Variants in ENTREP2 observed in about 807,000 individuals in gnomAD.
ENTREP2 encodes endosomal transmembrane epsin interactor 2, also known as protein ENTREP2.
chr15:29,204,550 C>T, the ENTREP2 span, among the ~76,000 whole-genome samples: 1 of 152,258 alleles, frequency 6.6e-6, no homozygotes, highest in African/African-American at 2.4e-5. Context: ...GCACGGGTGA[C>T]AGAGTCAGAC....
the ENTREP2 span, among the ~76,000 whole-genome samples, chr15:29,188,731 A>G: frequency 1.2e-4 from 18 of 152,254 alleles, no homozygotes; most frequent in African/African-American, 4.3e-4. Context: ...GGAATTCTAG[A>G]TGGGTGCTGG....
the ENTREP2 span, among the ~76,000 whole-genome samples, chr15:29,592,631 G>A: frequency 6.6e-6 from 1 of 152,138 alleles, no homozygotes; most frequent in Non-Finnish European, 1.5e-5. Flanking sequence ...TGCTTCTTGG[G>A]GGTGCTATAG....
the ENTREP2 span, chr15:29,233,602 T>A: frequency 1.5e-6 from 1 of 669,188 alleles, no homozygotes. Flanking sequence ...AAGACCATAA[T>A]CAAAATGAAA....
chr15:29,613,628 G>A, the ENTREP2 span: 15 of 182,998 alleles, frequency 8.2e-5, no homozygotes, highest in Non-Finnish European at 1.4e-4. Context: ...CTGCGGCACA[G>A]ACATTGAGGC....
the ENTREP2 span, among the ~76,000 whole-genome samples, chr15:29,563,542 C>G: frequency 6.6e-6 from 1 of 152,108 alleles, no homozygotes; most frequent in African/African-American, 2.4e-5. Flanking sequence ...TTTACAATTT[C>G]TGATTCAGGA....
At chr15:29,402,265 T>TATATATATATATATATATACAC in the ENTREP2 span, among the ~76,000 whole-genome samples, 787 of 137,732 alleles carry the variant, frequency 5.7e-3, 5 homozygotes, top group Middle Eastern at 0.017. Context: ...TATATATATA[T>TATATATATATATATATATACAC]ACACACACAT....
the ENTREP2 span, among the ~76,000 whole-genome samples, chr15:29,224,127 T>C: frequency 3.9e-5 from 6 of 152,112 alleles, no homozygotes; most frequent in South Asian, 2.1e-4. Flanking sequence ...CACAGTTTCT[T>C]CCTTCTGGTG....
the ENTREP2 span, among the ~76,000 whole-genome samples, chr15:29,588,764 G>T: frequency 1.3e-5 from 2 of 152,126 alleles, no homozygotes; most frequent in Non-Finnish European, 2.9e-5. Flanking sequence ...TTGGGAGGCT[G>T]AGGCAGGCAG....
At chr15:29,244,148 T>A in the ENTREP2 span, among the ~76,000 whole-genome samples, 1 of 152,228 alleles carries the variant, frequency 6.6e-6, no homozygotes, top group African/African-American at 2.4e-5. Context: ...AGGAAATCCA[T>A]TAATGCAAAT....
the ENTREP2 span, among the ~76,000 whole-genome samples, chr15:29,298,977 G>A: frequency 2.6e-5 from 4 of 151,938 alleles, no homozygotes; most frequent in African/African-American, 7.3e-5. Flanking sequence ...TTTAACAAAC[G>A]TGACTTGAAA....
At chr15:29,391,281 C>T in the ENTREP2 span, among the ~76,000 whole-genome samples, 1 of 151,942 alleles carries the variant, frequency 6.6e-6, no homozygotes, top group East Asian at 1.9e-4. Flanking sequence ...AGCCTTTCAT[C>T]CCAGGCTGTG....
chr15:29,490,557 T>C, the ENTREP2 span, among the ~76,000 whole-genome samples: 1 of 152,202 alleles, frequency 6.6e-6, no homozygotes, highest in Non-Finnish European at 1.5e-5. Context: ...TTGGTCTGTT[T>C]TGACAGGGTG....
the ENTREP2 span, among the ~76,000 whole-genome samples, chr15:29,412,456 G>A: frequency 6.6e-6 from 1 of 151,918 alleles, no homozygotes; most frequent in Non-Finnish European, 1.5e-5. Context: ...ATTTCTAATT[G>A]ATTGTAGATG....
chr15:29,354,173 A>C, the ENTREP2 span, among the ~76,000 whole-genome samples: 1 of 152,184 alleles, frequency 6.6e-6, no homozygotes, highest in Non-Finnish European at 1.5e-5. Context: ...CTTGAGCTGG[A>C]ACATCCATCT....
chr15:29,488,709 A>G, the ENTREP2 span, among the ~76,000 whole-genome samples: 1 of 152,234 alleles, frequency 6.6e-6, no homozygotes, highest in Non-Finnish European at 1.5e-5. Flanking sequence ...GGGATCCTCA[A>G]TCAGATTAAC....
chr15:29,170,021 A>G, the ENTREP2 span, among the ~76,000 whole-genome samples: 42 of 152,268 alleles, frequency 2.8e-4, no homozygotes, highest in African/African-American at 8.7e-4. Flanking sequence ...TAAAATCAAT[A>G]TGCAGGCCGG....
chr15:29,584,465 G>C, the ENTREP2 span, among the ~76,000 whole-genome samples: 2 of 146,262 alleles, frequency 1.4e-5, no homozygotes, highest in African/African-American at 5.0e-5. Context: ...GTGTGTGTAT[G>C]AAATGGAATA....
At chr15:29,305,043 A>C in the ENTREP2 span, among the ~76,000 whole-genome samples, 3 of 152,290 alleles carry the variant, frequency 2.0e-5, no homozygotes, top group East Asian at 5.8e-4. Flanking sequence ...CTATTACTAT[A>C]TGCCTTCATT....
At chr15:29,339,164 C>T in the ENTREP2 span, among the ~76,000 whole-genome samples, 15 of 152,222 alleles carry the variant, frequency 9.9e-5, no homozygotes, top group Non-Finnish European at 1.6e-4. Flanking sequence ...GGAGTTGGCA[C>T]GAGATAGGGC....
Sources: allele counts gnomAD v4.1 joint callset (sites outside exome capture counted in the v4.1 genomes callset), GRCh38; gene constraint gnomAD v4.1.1; transcripts MANE v1.5; gene names NCBI Gene and HGNC (gene_info 2026-07-23, HGNC 2026-07-21).